Variants in DNAH3 observed in about 807,000 individuals in gnomAD.
DNAH3 encodes dynein axonemal heavy chain 3, also known as axonemal beta dynein heavy chain 3.
Under a neutral mutation model 432.5 loss-of-function variants are expected in DNAH3, and 332 were observed. That is an observed-to-expected ratio of 0.77 (90% confidence interval 0.70 to 0.84). The LOEUF is 0.84. DNAH3 is among the 40% of genes least tolerant of loss of function. DNAH3 has a pLI of 0.00. For missense variants in DNAH3, 4,861 were observed against 5,114.0 expected (o/e 0.95, Z 1.51); for synonymous variants, 1,956 against 1,900.2 (o/e 1.03, Z -0.76).
intron 48 of DNAH3, among the ~76,000 whole-genome samples, chr16:20,983,542 G>A (rs565775892): frequency 6.6e-6 from 1 of 152,038 alleles, no homozygotes; most frequent in Non-Finnish European, 1.5e-5. Flanking sequence ...GCTGATACAC[G>A]GGAGCCATAC....
chr16:21,151,779 C>T (rs1481532286), intron 1 of DNAH3, among the ~76,000 whole-genome samples: 1 of 152,084 alleles, frequency 6.6e-6, no homozygotes, highest in African/African-American at 2.4e-5. Flanking sequence ...AGCTGCCGCC[C>T]GAATATTAAA....
chr16:21,029,841 T>C (rs566105361), intron 37 of DNAH3, among the ~76,000 whole-genome samples: 8 of 152,298 alleles, frequency 5.3e-5, no homozygotes, highest in African/African-American at 1.7e-4. Context: ...CACTTTTTTT[T>C]TGAGACAAGG....
exon 62 of DNAH3, chr16:20,933,459 A>T: frequency 6.2e-7 from 1 of 1,612,722 alleles, no homozygotes; most frequent in East Asian, 2.2e-5. Context: ...CCTTTGATGT[A>T]GGCCCCATCT....
At position 21,117,054 on chromosome 16, in the gene DNAH3, T is replaced by G. The variant is rs752288376; in HGVS notation, c.1814+149A>C. The G allele has an allele frequency of 2.1e-5, 12 of 580,864 alleles. No individual in the cohort carries two copies. The East Asian group carries it at 3.7e-4, about 18-fold the overall frequency. The allele number at this position is 580,864 out of a possible 1,614,324, so 36.0% of individuals were successfully genotyped here. On this transcript the variant is annotated intron_variant, in intron 12 of 61. Coordinates refer to ENST00000261383, the Ensembl canonical transcript of DNAH3. ...AGTTTCCTCATTTGTAAAGTGGGAA[T>G]AAATAGTAATACTCATGTAAGTATT...
chr16:20,948,391 T>C, intron 57 of DNAH3, 92 bp downstream of exon 57: 1 of 1,374,830 alleles, frequency 7.3e-7, no homozygotes, highest in South Asian at 1.4e-5. Flanking sequence ...AGGTCACCCC[T>C]GGGATCCCTG....
intron 29 of DNAH3, 127 bp downstream of exon 29, chr16:21,051,543 G>T: frequency 1.1e-6 from 1 of 948,470 alleles, no homozygotes; most frequent in South Asian, 1.6e-5. Flanking sequence ...TTGGGACTAT[G>T]GAGAATCTAA....
chr16:20,967,637 G>A (rs2085124261), intron 52 of DNAH3, among the ~76,000 whole-genome samples: 1 of 151,256 alleles, frequency 6.6e-6, no homozygotes, highest in African/African-American at 2.4e-5. Context: ...CGTGTAGCTG[G>A]GATTAGGCAC....
exon 53 of DNAH3, chr16:20,965,246 C>G: frequency 6.2e-7 from 1 of 1,613,030 alleles, no homozygotes; most frequent in South Asian, 1.1e-5. Flanking sequence ...CCCTCGCAGG[C>G]CGACGATACA....
At chr16:20,953,989 T>A (rs1395738252) in intron 55 of DNAH3, among the ~76,000 whole-genome samples, 1 of 152,072 alleles carries the variant, frequency 6.6e-6, no homozygotes, top group Admixed American at 6.6e-5. Flanking sequence ...CAGAATTTTC[T>A]TCCTCTTTAA....
intron 57 of DNAH3, among the ~76,000 whole-genome samples, chr16:20,947,194 G>C (rs1290509098): frequency 6.6e-6 from 1 of 151,960 alleles, no homozygotes; most frequent in Non-Finnish European, 1.5e-5. Context: ...ATGTCATACA[G>C]CTTTCATAAA....
chr16:20,962,759 G>A (rs2152619435), intron 53 of DNAH3, among the ~76,000 whole-genome samples: 1 of 152,252 alleles, frequency 6.6e-6, no homozygotes. Flanking sequence ...CAAGGCTGAA[G>A]GGATCCTCCT....
intron 20 of DNAH3, among the ~76,000 whole-genome samples, chr16:21,078,367 C>T (rs16970847): frequency 0.13 from 19,518 of 151,818 alleles, 1,330 homozygotes; most frequent in East Asian, 0.17. Flanking sequence ...GGAGAACCCT[C>T]ATTTAGCCTC....
chr16:21,073,993 T>C (rs960048670), intron 21 of DNAH3, among the ~76,000 whole-genome samples: 3 of 152,344 alleles, frequency 2.0e-5, no homozygotes, highest in Middle Eastern at 3.4e-3. Context: ...CAGTTTTCCC[T>C]GGGTCTTCAC....
At chr16:20,991,832 A>G (rs1351567210) in intron 44 of DNAH3, among the ~76,000 whole-genome samples, 3 of 152,202 alleles carry the variant, frequency 2.0e-5, no homozygotes, top group Non-Finnish European at 4.4e-5. Context: ...CTTTCATTGG[A>G]AAGTACTCAA....
At chr16:21,019,428 G>T (rs931511248) in intron 41 of DNAH3, 196 bp downstream of exon 41, 4 of 664,630 alleles carry the variant, frequency 6.0e-6, no homozygotes, top group Non-Finnish European at 1.0e-5. Context: ...CCAAAGTGCT[G>T]GGATTACCAG....
In DNAH3 at chr16:21,019,882, A is replaced by C; in HGVS notation, c.5777-13T>G. 2 of 1,613,430 alleles carry C rather than the reference A, an allele frequency of 1.2e-6. No homozygotes were observed. The highest frequency in any genetic ancestry group is 1.7e-6 in the Non-Finnish European group (2 of 1,179,528). On this transcript the variant is annotated splice_polypyrimidine_tract_variant and intron_variant, in intron 40 of 61. Transcript: ENST00000261383. The stretch of plus-strand genomic sequence containing the variant: ...GCCCTGATTTCATCTAAAAGTGAGA[A>C]AAGCGAATCTCAGGACAGAGTGCAG...
chr16:21,115,387 G>T (rs2092165942), intron 12 of DNAH3, among the ~76,000 whole-genome samples: 2 of 19,508 alleles, frequency 1.0e-4, no homozygotes, highest in South Asian at 8.3e-3. Context: ...AGCTTAAAGT[G>T]TAAAAAAAAA....
intron 38 of DNAH3, among the ~76,000 whole-genome samples, chr16:21,025,997 C>A (rs1313270363): frequency 6.6e-6 from 1 of 152,100 alleles, no homozygotes; most frequent in Non-Finnish European, 1.5e-5. Flanking sequence ...CCTCGGCCTC[C>A]CAAAGTGCTG....
exon 14 of DNAH3, chr16:21,111,670 A>T: frequency 6.2e-7 from 1 of 1,613,878 alleles, no homozygotes; most frequent in Non-Finnish European, 8.5e-7. Context: ...ATTGAATCAG[A>T]TGGTCTTTAA....
Sources: allele counts gnomAD v4.1 joint callset (sites outside exome capture counted in the v4.1 genomes callset), GRCh38; gene constraint gnomAD v4.1.1; transcripts MANE v1.5; gene names NCBI Gene and HGNC (gene_info 2026-07-23, HGNC 2026-07-21).